The following ATR variants were observed in gnomAD, a reference collection of about 807,000 sequenced individuals.
The protein encoded by ATR is ATR checkpoint kinase, also known as serine/threonine-protein kinase ATR.
Under a neutral mutation model 305.3 loss-of-function variants are expected in ATR, and 142 were observed. The ratio of observed to expected loss-of-function variants is 0.47; its 90% CI spans 0.41 to 0.53. ATR has a LOEUF of 0.53. Ranked by LOEUF, ATR falls within the 20% of genes least tolerant of loss-of-function variation. The pLI is 0.00. For missense variants in ATR, 2,135 were observed against 3,133.1 expected (o/e 0.68, Z 7.60); for synonymous variants, 1,050 against 1,068.1 (o/e 0.98, Z 0.33).
intron 10 of ATR, among the ~76,000 whole-genome samples, chr3:142,555,616 T>C (rs895362829): frequency 1.3e-5 from 2 of 152,190 alleles, no homozygotes; most frequent in African/African-American, 2.4e-5. Context: ...TCTTACAATA[T>C]TGAAACAACC....
chr3:142,503,004 G>T (rs76458322), intron 30 of ATR, among the ~76,000 whole-genome samples: 1 of 152,158 alleles, frequency 6.6e-6, no homozygotes, highest in Non-Finnish European at 1.5e-5. Flanking sequence ...GTGGTATTCC[G>T]TAAATCAGTC....
rs973542005 is a variant in ATR at position 142,485,085 on chromosome 3, T to C, written c.6221+55A>G. On this transcript the variant is annotated intron_variant, in intron 36 of 46. Coordinates refer to ENST00000350721, the MANE Select transcript of ATR (RefSeq NM_001184.4). ...CTAAGACATGTGATAACAGTTTCAA[T>C]ATTAATAGTCATCCTTACATATTTA... 1.1e-5 allele frequency: 17 copies of C among 1,602,140 alleles called. No individual in the cohort carries two copies. In the South Asian group the frequency reaches 1.5e-4, roughly 15 times the overall value.
chr3:142,512,965 G>T (rs1248985776), intron 26 of ATR, among the ~76,000 whole-genome samples: 1 of 151,874 alleles, frequency 6.6e-6, no homozygotes, highest in Non-Finnish European at 1.5e-5. Flanking sequence ...AACGACTAAA[G>T]AAAATTTTAA....
At chr3:142,551,047 A>G (rs746101100) in intron 13 of ATR, among the ~76,000 whole-genome samples, 4 of 152,160 alleles carry the variant, frequency 2.6e-5, no homozygotes, top group Non-Finnish European at 5.9e-5. Context: ...TTGGCCTCCC[A>G]AAGTGCTGAG....
intron 45 of ATR, among the ~76,000 whole-genome samples, chr3:142,454,134 T>C (rs2070849766): frequency 6.6e-6 from 1 of 152,184 alleles, no homozygotes; most frequent in Admixed American, 6.5e-5. Flanking sequence ...TCCTGCGTCA[T>C]CTCTTAGCAC....
intron 46 of ATR, chr3:142,452,360 A>G: frequency 1.0e-6 from 1 of 987,030 alleles, no homozygotes; most frequent in African/African-American, 1.7e-5. Context: ...ACGAATCCTC[A>G]ATCTATTCTA....
intron 23 of ATR, among the ~76,000 whole-genome samples, chr3:142,521,714 G>T (rs140622263): frequency 6.6e-6 from 1 of 152,288 alleles, no homozygotes; most frequent in Non-Finnish European, 1.5e-5. Context: ...ACTAGAGTTA[G>T]AAGTGGAGCC....
intron 1 of ATR, among the ~76,000 whole-genome samples, chr3:142,576,471 T>C (rs1459562854): frequency 6.6e-6 from 1 of 152,224 alleles, no homozygotes; most frequent in Non-Finnish European, 1.5e-5. Flanking sequence ...GGACATAGAC[T>C]GAAAGCACAT....
intron 23 of ATR, among the ~76,000 whole-genome samples, chr3:142,520,441 G>T (rs1197179154): frequency 6.6e-6 from 1 of 152,168 alleles, no homozygotes; most frequent in African/African-American, 2.4e-5. Context: ...GCACCTAACA[G>T]CCAAGTATAA....
chr3:142,479,795 C>A (rs1274661634), intron 36 of ATR, among the ~76,000 whole-genome samples: 3 of 152,082 alleles, frequency 2.0e-5, no homozygotes, highest in Non-Finnish European at 4.4e-5. Context: ...TCTTTTTATT[C>A]TTTTTTCTCT....
chr3:142,487,118 C>A (rs1049356005), intron 35 of ATR, among the ~76,000 whole-genome samples: 8 of 151,994 alleles, frequency 5.3e-5, no homozygotes, highest in Non-Finnish European at 7.4e-5. Flanking sequence ...AGCGACAGAG[C>A]GAGACACCAT....
At chr3:142,498,186 G>C (rs1352533797) in intron 32 of ATR, among the ~76,000 whole-genome samples, 1 of 152,054 alleles carries the variant, frequency 6.6e-6, no homozygotes, top group Non-Finnish European at 1.5e-5. Flanking sequence ...ACCTATAAAA[G>C]TTAATATTCT....
chr3:142,522,821 G>T lies in ATR; in HGVS notation c.4173C>A (p.Ser1391Arg), dbSNP rs2108396122. 6.2e-7 allele frequency: 1 copy of T among 1,612,284 alleles called. No individual in the cohort carries two copies. The highest frequency in any genetic ancestry group is 8.5e-7 in the Non-Finnish European group (1 of 1,178,810). ...FTFVTGVEDS[S>R]FAYGLLMELT... ...GCTCCATCAATAATCCATAGGCAAA[G>T]CTTGAATCTTCTACTCCAGTCTCAA... The change falls in exon 23 of 47, where the codon AGC (serine) becomes AGA (arginine). Residue 1391 changes from serine to arginine, a missense_variant. Transcript: ENST00000350721.
intron 16 of ATR, among the ~76,000 whole-genome samples, chr3:142,543,387 C>T (rs2034129702): frequency 6.8e-6 from 1 of 147,026 alleles, no homozygotes; most frequent in Non-Finnish European, 1.5e-5. Flanking sequence ...TTCCTCCCTC[C>T]CTCCGTCCAT....
At chr3:142,485,066 C>T (rs1002942205) in intron 36 of ATR, 74 bp downstream of exon 36, 49 of 1,577,650 alleles carry the variant, frequency 3.1e-5, no homozygotes, top group Non-Finnish European at 4.2e-5. Flanking sequence ...TATGCTAAGA[C>T]ATGTGATAAC....
chr3:142,530,817 C>T (rs189315805), intron 21 of ATR, among the ~76,000 whole-genome samples: 72 of 152,222 alleles, frequency 4.7e-4, no homozygotes, highest in Admixed American at 4.2e-3. Flanking sequence ...AGACTACAAA[C>T]GTTGGGCATA....
chr3:142,555,531 C>A (rs35453605), intron 10 of ATR, among the ~76,000 whole-genome samples: 5,965 of 152,192 alleles, frequency 0.039, 171 homozygotes, highest in Non-Finnish European at 0.056. Context: ...TTGAAGTTCT[C>A]AAGGTCCAAG....
rs1165721458 is a variant in ATR, at chr3:142,475,468, G to C, written c.6222-5285C>G. ...CTGCATAGTATTCCATGGGGTATAT[G>C]TGCCACATTTTCTTAATCCAGTCTA... On this transcript the variant is annotated intron_variant, in intron 36 of 46. Coordinates refer to ENST00000350721, the MANE Select transcript of ATR (RefSeq NM_001184.4). Among the ~76,000 whole-genome samples, 3 of 152,140 alleles carry C rather than the reference G, an allele frequency of 2.0e-5. 1 individual carries two copies. Among genetic ancestry groups the C allele is most frequent in the Admixed American group, 2.0e-4 (3 of 15,280 alleles).
At chr3:142,451,883 G>A (rs2070798974) in intron 46 of ATR, 1 of 1,318,110 alleles carries the variant, frequency 7.6e-7, no homozygotes, top group Non-Finnish European at 1.0e-6. Flanking sequence ...AGTTTTAACA[G>A]GTTCAAGAAC....
Sources: gnomAD v4.1 joint callset for allele counts (sites outside exome capture counted in the v4.1 genomes callset) on GRCh38, gnomAD v4.1.1 for gene constraint, MANE v1.5 for transcripts, NCBI Gene and HGNC (gene_info 2026-07-23, HGNC 2026-07-21) for gene names.